KCTD12: variants seen among roughly 807,000 people sequenced by gnomAD.
KCTD12 encodes the protein BTB/POZ domain-containing protein KCTD12.
A neutral mutation model predicts 22.6 loss-of-function variants in KCTD12; 16 were observed. That is an observed-to-expected ratio of 0.71 (90% confidence interval 0.48 to 1.07). The LOEUF is 1.07. KCTD12 is among the 50% of genes least tolerant of loss of function. KCTD12 has a pLI of 0.00. For synonymous variants in KCTD12, 260 were observed against 228.0 expected, an observed-to-expected ratio of 1.14 and a Z score of -1.26; for missense variants, 452 against 469.2, an observed-to-expected ratio of 0.96 and a Z score of 0.34.
chr13:76,885,070 A>C lies in KCTD12; in HGVS notation c.*101T>G. 1 of 1,348,344 alleles carries C rather than the reference A, an allele frequency of 7.4e-7. No individual in the cohort carries two copies. 83.5% of individuals were successfully genotyped at this position (1,348,344 alleles called of 1,614,324 possible). On this transcript the variant is annotated 3_prime_UTR_variant, in exon 1 of 1. Transcript: ENST00000377474. This position sits in a 1 kb window ranked among gnomAD's most constrained non-coding sequence, Gnocchi z 5.1. ...GCTACTACTGGAGGGGGAGAATGGGAGGGCAGCAGCCAGGGGACAAAGGTG... is the reference window on the plus strand; with the variant it reads ...GCTACTACTGGAGGGGGAGAATGGGCGGGCAGCAGCCAGGGGACAAAGGTG...
chr13:76,885,675 C>T lies in KCTD12; in HGVS notation c.474G>A (p.Pro158=), dbSNP rs553274621. Residue 158 remains proline (P), a synonymous_variant, in exon 1 of 1, where the codon CCG becomes CCA. Coordinates refer to ENST00000377474, the MANE Select transcript of KCTD12 (RefSeq NM_138444.4). The surrounding 1 kb of genome is among the most constrained non-coding windows in gnomAD (Gnocchi z 5.1). ...GCTGTTCGGGCTCCGAGTAGCCAAG[C>T]GGCAGCAGCTCGTCACCCAGCGAGC... The part of the protein sequence containing the change: ...KEGSLGDELL[P]LGYSEPEQQE... The T allele has an allele frequency of 4.1e-6, 6 of 1,456,598 alleles. No individual in the cohort carries two copies. Among genetic ancestry groups the T allele is most frequent in the East Asian group, 5.4e-5 (2 of 37,132 alleles). 90.2% of individuals were successfully genotyped at this position (1,456,598 alleles called of 1,614,324 possible).
At position 76,886,008 on chromosome 13, in the gene KCTD12, G is replaced by A. The variant is rs200026603; in HGVS notation, c.141C>T (p.Thr47=). The change falls in exon 1 of 1, where the codon ACC becomes ACT. Residue 47 remains threonine (T), a synonymous_variant. Transcript: ENST00000377474. ...ELNVGGQVYV[T]RRCTVVSVPD... is the part of the protein sequence containing the mutation. ...GCACCGACACCACCGTGCAGCGCCG[G>A]GTCACGTACACCTGGCCCCCCACGT... The A allele has an allele frequency of 4.1e-5, 66 of 1,591,406 alleles. No homozygotes were observed. In the East Asian group the frequency reaches 1.4e-3, roughly 33 times the overall value.
At position 76,885,559 on chromosome 13, in the gene KCTD12, G is replaced by A. The variant is rs1357488826; in HGVS notation, c.590C>T (p.Pro197Leu). ...SGGAAGPLLT[P>L]SQSLDGSRRS... The stretch of plus-strand genomic sequence containing the variant: ...CCGGCTGCCGTCCAGCGACTGGGAC[G>A]GCGTGAGCAGCGGGCCCGCCGCGCC... The change falls in exon 1 of 1, where the codon CCG becomes CTG. Residue 197 changes from proline to leucine, a missense_variant. By Grantham distance (98) the Pro-to-Leu change is moderately conservative. This residue lies in a region of KCTD12 where 330 missense variants were observed against 296.5 expected (regional missense o/e 1.11). Transcript: ENST00000377474. The surrounding 1 kb of genome is among the most constrained non-coding windows in gnomAD (Gnocchi z 5.1). The A allele has an allele frequency of 1.3e-6, 2 of 1,551,992 alleles. No individual in the cohort carries two copies. The highest frequency in any genetic ancestry group is 1.7e-6 in the Non-Finnish European group (2 of 1,153,700).
chr13:76,885,609 C>T lies in KCTD12; in HGVS notation c.540G>A (p.Glu180=). 6.6e-7 allele frequency: 1 copy of T among 1,511,732 alleles called. No homozygotes were observed. Among genetic ancestry groups the T allele is most frequent in the Non-Finnish European group, 8.8e-7 (1 of 1,140,562 alleles). The allele number at this position is 1,511,732 out of a possible 1,614,324, so 93.6% of individuals were successfully genotyped here. ...ASAGAPSPTL[E]LASRSPSGGA... Reference sequence around the variant, plus strand: ...CCCCGGACGGACTGCGGCTAGCCAGCTCCAGCGTGGGCGACGGCGCCCCGG... The same window carrying T: ...CCCCGGACGGACTGCGGCTAGCCAGTTCCAGCGTGGGCGACGGCGCCCCGG... The change falls in exon 1 of 1, where the codon GAG becomes GAA. Residue 180 remains glutamate (E), a synonymous_variant. Transcript: ENST00000377474. The surrounding 1 kb of genome is among the most constrained non-coding windows in gnomAD (Gnocchi z 5.1).
rs757078244 is a variant in KCTD12, at chr13:76,880,306, C to T, written c.*4865G>A. 10 of 152,606 alleles carry T rather than the reference C, an allele frequency of 6.6e-5. No individual in the cohort carries two copies. The highest frequency in any genetic ancestry group is 4.6e-4 in the Admixed American group (7 of 15,284). The allele number at this position is 152,606 out of a possible 1,614,324, so 9.5% of individuals were successfully genotyped here. A position where few individuals can be genotyped will look rare whatever the true frequency, so the allele number is the denominator to read the frequency against. On this transcript the variant is annotated 3_prime_UTR_variant, in exon 1 of 1. Coordinates refer to ENST00000377474, the MANE Select transcript of KCTD12 (RefSeq NM_138444.4). ...TTTCTGTTATACAACTGGTTGTGAA[C>T]AGGAAGAACAAAAATCTTTATAGCA...
At position 76,885,768 on chromosome 13, in the gene KCTD12, G is replaced by A; in HGVS notation, c.381C>T (p.Arg127=). ...AEYFELPELV[R]RLGAPQQPGP... Reference sequence around the variant, plus strand: ...CGGGCTGCTGGGGCGCCCCGAGGCGGCGCACGAGCTCTGGCAGCTCGAAGT... The same window carrying A: ...CGGGCTGCTGGGGCGCCCCGAGGCGACGCACGAGCTCTGGCAGCTCGAAGT... The change falls in exon 1 of 1, where the codon CGC becomes CGT. Residue 127 remains arginine, a synonymous_variant. Transcript: ENST00000377474. This position sits in a 1 kb window ranked among gnomAD's most constrained non-coding sequence, Gnocchi z 5.1. 6.5e-7 allele frequency: 1 copy of A among 1,542,770 alleles called. No individual in the cohort carries two copies. Among genetic ancestry groups the A allele is most frequent in the Non-Finnish European group, 8.7e-7 (1 of 1,155,464 alleles).
Position 76,885,741 on chromosome 13 carries a change from G to C in KCTD12, c.408C>G (p.Gly136=). ...VRRLGAPQQP[G]PGPPPSRRGV... Reference sequence around the variant, plus strand: ...CGCGCCGCGAGGGCGGCGGCCCCGGGCCGGGCTGCTGGGGCGCCCCGAGGC... The same window carrying C: ...CGCGCCGCGAGGGCGGCGGCCCCGGCCCGGGCTGCTGGGGCGCCCCGAGGC... The change falls in exon 1 of 1, where the codon GGC becomes GGG. Residue 136 remains glycine, a synonymous_variant. Transcript: ENST00000377474. This position sits in a 1 kb window ranked among gnomAD's most constrained non-coding sequence, Gnocchi z 5.1. 4 of 1,441,542 alleles carry C rather than the reference G, an allele frequency of 2.8e-6. No individual in the cohort carries two copies. Among genetic ancestry groups the C allele is most frequent in the Non-Finnish European group, 3.6e-6 (4 of 1,110,008 alleles). The allele number at this position is 1,441,542 out of a possible 1,614,324, so 89.3% of individuals were successfully genotyped here. A position where few individuals can be genotyped will look rare whatever the true frequency, so the allele number is the denominator to read the frequency against.
rs552777809 is a variant in KCTD12 at position 76,885,571 on chromosome 13, G to C, written c.578C>G (p.Pro193Arg). 2.6e-6 allele frequency: 4 copies of C among 1,541,092 alleles called. No homozygotes were observed. In the Admixed American group the frequency reaches 5.8e-5, roughly 22 times the overall value. Residue 193 changes from proline to arginine, a missense_variant, in exon 1 of 1, where the codon CCG becomes CGG. Transcript: ENST00000377474. The surrounding 1 kb of genome is among the most constrained non-coding windows in gnomAD (Gnocchi z 5.1). ...CAGCGACTGGGACGGCGTGAGCAGCGGGCCCGCCGCGCCCCCGGACGGACT... is the reference window on the plus strand; with the variant it reads ...CAGCGACTGGGACGGCGTGAGCAGCCGGCCCGCCGCGCCCCCGGACGGACT... ...SRSPSGGAAG[P>R]LLTPSQSLDG...
Position 76,882,376 on chromosome 13 carries a change from G to C in KCTD12, c.*2795C>G, listed in dbSNP as rs1013652977. ...CAGTCTTTCAAATAATGTGCGGGGC[G>C]GGGGGTGCTGGGTGTGACAGGGTGC... On this transcript the variant is annotated 3_prime_UTR_variant, in exon 1 of 1. Coordinates refer to ENST00000377474, the MANE Select transcript of KCTD12 (RefSeq NM_138444.4). The C allele has an allele frequency of 2.0e-5, 3 of 152,296 alleles. No homozygotes were observed. Among genetic ancestry groups the C allele is most frequent in the Admixed American group, 2.0e-4 (3 of 15,290 alleles). 9.4% of individuals were successfully genotyped at this position (152,296 alleles called of 1,614,324 possible). A position where few individuals can be genotyped will look rare whatever the true frequency, so the allele number is the denominator to read the frequency against.
chr13:76,886,317 CGCGGAGCCGA>C lies in KCTD12; in HGVS notation c.-179_-170del, dbSNP rs1405715420. On this transcript the variant is annotated 5_prime_UTR_variant, in exon 1 of 1. Coordinates refer to ENST00000377474, the MANE Select transcript of KCTD12 (RefSeq NM_138444.4). The stretch of plus-strand genomic sequence containing the variant: ...CCACCGCCGCCACCTCCTAGAGCCG[CGCGGAGCCGA>C]GCGGTGCGAGCGCGCCGCTGTGCGC... 2 of 761,478 alleles carry C rather than the reference CGCGGAGCCGA, an allele frequency of 2.6e-6. No individual in the cohort carries two copies. The highest frequency in any genetic ancestry group is 3.5e-6 in the Non-Finnish European group (2 of 564,650). The allele number at this position is 761,478 out of a possible 1,614,324, so 47.2% of individuals were successfully genotyped here.
Position 76,885,842 on chromosome 13 carries a change from GC to G in KCTD12, c.306del (p.Leu103CysfsTer151). 6.3e-7 allele frequency: 1 copy of G among 1,596,316 alleles called. No homozygotes were observed. The highest frequency in any genetic ancestry group is 1.3e-5 in the African/African-American group (1 of 74,902). ...CTGCGCTCGGGGAAGTAGTCGGGCA[GC>G]ACGAGCTGCAAGTCCCGCAGGTAAT... is the stretch of plus-strand genomic sequence containing the variant. The part of the protein sequence containing the change: ...ILDYLRDLQL[V>X]LPDYFPERSR... On this transcript the variant is annotated frameshift_variant, in exon 1 of 1. Coordinates refer to ENST00000377474, the MANE Select transcript of KCTD12 (RefSeq NM_138444.4). LOFTEE classifies it high-confidence loss of function. The surrounding 1 kb of genome is among the most constrained non-coding windows in gnomAD (Gnocchi z 5.1).
At position 76,881,650 on chromosome 13, in the gene KCTD12, T is replaced by G. The variant is rs2033203874; in HGVS notation, c.*3521A>C. The G allele has an allele frequency of 7.1e-6, 1 of 140,370 alleles. No individual in the cohort carries two copies. The highest frequency in any genetic ancestry group is 2.4e-4 in the South Asian group (1 of 4,102). 8.7% of individuals were successfully genotyped at this position (140,370 alleles called of 1,614,324 possible). ...TGTCTAGTATTATGATTTATCACTG[T>G]GCTATCAATCAAAAACCAGTAGAAT... is the stretch of plus-strand genomic sequence containing the variant. On this transcript the variant is annotated 3_prime_UTR_variant, in exon 1 of 1. Coordinates refer to ENST00000377474, the MANE Select transcript of KCTD12 (RefSeq NM_138444.4).
Position 76,885,218 on chromosome 13 carries a change from C to G in KCTD12, c.931G>C (p.Asp311His). The stretch of plus-strand genomic sequence containing the variant: ...TCGGTGTAGCTGGTCCAGATCTTGT[C>G]CTCGCTCTGGTCGGTGCTGCTGGCA... ...AFASSTDQSE[D>H]KIWTSYTEYV... The change falls in exon 1 of 1, where the codon GAC (aspartate) becomes CAC (histidine). Residue 311 changes from aspartate to histidine, a missense_variant. Asp to His is a moderately conservative substitution (Grantham distance 81). Transcript: ENST00000377474. This position sits in a 1 kb window ranked among gnomAD's most constrained non-coding sequence, Gnocchi z 5.1. 2 of 1,614,076 alleles carry G rather than the reference C, an allele frequency of 1.2e-6. No homozygotes were observed. The highest frequency in any genetic ancestry group is 1.7e-6 in the Non-Finnish European group (2 of 1,180,030).
Position 76,885,605 on chromosome 13 carries a change from C to A in KCTD12, c.544G>T (p.Ala182Ser), listed in dbSNP as rs778600147. ...GCGCCCCCGGACGGACTGCGGCTAG[C>A]CAGCTCCAGCGTGGGCGACGGCGCC... The part of the protein sequence containing the change: ...AGAPSPTLEL[A>S]SRSPSGGAAG... Residue 182 changes from alanine to serine, a missense_variant, in exon 1 of 1, where the codon GCT becomes TCT. This residue lies in a region of KCTD12 where 330 missense variants were observed against 296.5 expected (regional missense o/e 1.11). Transcript: ENST00000377474. The surrounding 1 kb of genome is among the most constrained non-coding windows in gnomAD (Gnocchi z 5.1). 2.6e-6 allele frequency: 4 copies of A among 1,524,476 alleles called. No homozygotes were observed. Among genetic ancestry groups the A allele is most frequent in the Non-Finnish European group, 2.6e-6 (3 of 1,144,134 alleles). 94.4% of individuals were successfully genotyped at this position (1,524,476 alleles called of 1,614,324 possible).
At position 76,882,763 on chromosome 13, in the gene KCTD12, T is replaced by C. The variant is rs1357582808; in HGVS notation, c.*2408A>G. Reference sequence around the variant, plus strand: ...ACTTAGTCTGAGACCAAACTCAACATACAAGCAAGCACAACTTCCTAGATT... The same window carrying C: ...ACTTAGTCTGAGACCAAACTCAACACACAAGCAAGCACAACTTCCTAGATT... On this transcript the variant is annotated 3_prime_UTR_variant, in exon 1 of 1. Transcript: ENST00000377474. 6.6e-6 allele frequency: 1 copy of C among 151,524 alleles called. No individual in the cohort carries two copies. The allele number at this position is 151,524 out of a possible 1,614,324, so 9.4% of individuals were successfully genotyped here. A position where few individuals can be genotyped will look rare whatever the true frequency, so the allele number is the denominator to read the frequency against.
rs1218726857 is a variant in KCTD12 at position 76,886,271 on chromosome 13, C to T, written c.-123G>A. On this transcript the variant is annotated 5_prime_UTR_variant, in exon 1 of 1. Coordinates refer to ENST00000377474, the MANE Select transcript of KCTD12 (RefSeq NM_138444.4). ...TCAGCCCTGCGCCCCGCCGCCGCCG[C>T]CGCCGCCACCGCCGCCACCGCCACC... The T allele has an allele frequency of 2.0e-6, 2 of 978,820 alleles. No homozygotes were observed. The highest frequency in any genetic ancestry group is 3.8e-5 in the African/African-American group (2 of 53,320). 60.6% of individuals were successfully genotyped at this position (978,820 alleles called of 1,614,324 possible). A position where few individuals can be genotyped will look rare whatever the true frequency, so the allele number is the denominator to read the frequency against.
Position 76,881,942 on chromosome 13 carries a change from T to G in KCTD12, c.*3229A>C, listed in dbSNP as rs2033208844. The G allele has an allele frequency of 6.6e-6, 1 of 152,124 alleles. No individual in the cohort carries two copies. Among genetic ancestry groups the G allele is most frequent in the South Asian group, 2.1e-4 (1 of 4,826 alleles). The allele number at this position is 152,124 out of a possible 1,614,324, so 9.4% of individuals were successfully genotyped here. ...TGTATTTATGATCATCAAATGGTAA[T>G]TAGGGCAACATATGTAAATGCATGC... is the stretch of plus-strand genomic sequence containing the variant. On this transcript the variant is annotated 3_prime_UTR_variant, in exon 1 of 1. Coordinates refer to ENST00000377474, the MANE Select transcript of KCTD12 (RefSeq NM_138444.4).
chr13:76,884,919 GGGGGT>G lies in KCTD12; in HGVS notation c.*247_*251del. On this transcript the variant is annotated 3_prime_UTR_variant, in exon 1 of 1. Coordinates refer to ENST00000377474, the MANE Select transcript of KCTD12 (RefSeq NM_138444.4). ...GTAGAGAAAGCATGGAGTGGTAGGT[GGGGGT>G]GGGGTGGGGGTTCCTCTGGGTTCTC... 2.0e-6 allele frequency: 1 copy of G among 496,918 alleles called. No homozygotes were observed. Among genetic ancestry groups the G allele is most frequent in the Admixed American group, 3.6e-5 (1 of 28,068 alleles). The allele number at this position is 496,918 out of a possible 1,614,324, so 30.8% of individuals were successfully genotyped here. A position where few individuals can be genotyped will look rare whatever the true frequency, so the allele number is the denominator to read the frequency against.
rs973803018 is a variant in KCTD12 at position 76,886,279 on chromosome 13, A to G, written c.-131T>C. 1,214 of 1,017,256 alleles carry G rather than the reference A, an allele frequency of 1.2e-3. 1 individual carries two copies. Among genetic ancestry groups the G allele is most frequent in the African/African-American group, 5.4e-3 (285 of 52,486 alleles). 63.0% of individuals were successfully genotyped at this position (1,017,256 alleles called of 1,614,324 possible). On this transcript the variant is annotated 5_prime_UTR_variant, in exon 1 of 1. Coordinates refer to ENST00000377474, the MANE Select transcript of KCTD12 (RefSeq NM_138444.4). Reference sequence around the variant, plus strand: ...GCGCCCCGCCGCCGCCGCCGCCGCCACCGCCGCCACCGCCACCGCCGCCAC... The same window carrying G: ...GCGCCCCGCCGCCGCCGCCGCCGCCGCCGCCGCCACCGCCACCGCCGCCAC...
Sources: gnomAD v4.1 joint callset for allele counts on GRCh38, gnomAD v4.1.1 for gene constraint, gnomAD v4.1.1 regional missense constraint, Gnocchi (gnomAD v3.1) non-coding constraint, MANE v1.5 for transcripts, NCBI Gene and HGNC (gene_info 2026-07-23, HGNC 2026-07-21) for gene names.